The following GRID2 variants were observed in gnomAD, a reference collection of about 807,000 sequenced individuals.
GRID2 encodes glutamate ionotropic receptor delta type subunit 2.
GRID2 carries 33 observed loss-of-function variants against 114.8 expected under a neutral mutation model. The ratio of observed to expected loss-of-function variants is 0.29; its 90% CI spans 0.22 to 0.38. The LOEUF is 0.38. Among genes scored for constraint, GRID2 ranks in the 10% least tolerant of loss-of-function variants. GRID2 has a pLI of 1.00. For missense variants in GRID2, 1,184 were observed against 1,257.7 expected (o/e 0.94, Z 0.89); for synonymous variants, 505 against 449.9 (o/e 1.12, Z -1.55).
intron 2 of GRID2, among the ~76,000 whole-genome samples, chr4:92,910,059 G>A (rs572462219): frequency 4.3e-4 from 65 of 152,144 alleles, no homozygotes; most frequent in Non-Finnish European, 6.8e-4. Flanking sequence ...AGGCTTGGTG[G>A]TATGAAAATG....
intron 1 of GRID2, among the ~76,000 whole-genome samples, chr4:92,316,386 TGTG>T (rs1401105396): frequency 6.6e-6 from 1 of 152,186 alleles, no homozygotes; most frequent in African/African-American, 2.4e-5. Context: ...TCTGTTCTCT[TGTG>T]GTGTAGTCAT....
chr4:93,402,389 T>C (rs1001188833), intron 9 of GRID2, among the ~76,000 whole-genome samples: 1 of 152,158 alleles, frequency 6.6e-6, no homozygotes, highest in Non-Finnish European at 1.5e-5. Context: ...TGGATGAAAC[T>C]ATGTGAAAGC....
chr4:92,401,517 A>G (rs1457769275), intron 1 of GRID2, among the ~76,000 whole-genome samples: 1 of 152,182 alleles, frequency 6.6e-6, no homozygotes, highest in Non-Finnish European at 1.5e-5. Flanking sequence ...AGCAAATATC[A>G]AAAAAGCAAA....
At chr4:92,876,506 G>A (rs958754274) in intron 2 of GRID2, among the ~76,000 whole-genome samples, 9 of 151,942 alleles carry the variant, frequency 5.9e-5, no homozygotes, top group South Asian at 2.1e-4. Flanking sequence ...GGGTTTCACC[G>A]TGTTAACCAG....
intron 2 of GRID2, among the ~76,000 whole-genome samples, chr4:92,595,026 T>C (rs1212436363): frequency 6.6e-6 from 1 of 151,934 alleles, no homozygotes; most frequent in African/African-American, 2.4e-5. Context: ...TTACATGTAT[T>C]TGATGTATTA....
intron 9 of GRID2, among the ~76,000 whole-genome samples, chr4:93,412,239 CCA>C (rs1767259851): frequency 1.3e-5 from 2 of 149,002 alleles, no homozygotes; most frequent in Admixed American, 6.7e-5. Flanking sequence ...TCCCCCCCCC[CCA>C]AAAAAAAATA....
At chr4:93,470,429 C>T (rs1443700391) in intron 11 of GRID2, among the ~76,000 whole-genome samples, 7 of 152,030 alleles carry the variant, frequency 4.6e-5, no homozygotes. Flanking sequence ...TGTTTCACTC[C>T]AAGACTTGAC....
chr4:93,181,042 A>G (rs1392536391), intron 4 of GRID2, among the ~76,000 whole-genome samples: 1 of 152,196 alleles, frequency 6.6e-6, no homozygotes, highest in East Asian at 1.9e-4. Context: ...TACTCTGCCC[A>G]AATATATCAG....
At chr4:92,481,291 A>G (rs1042897174) in intron 1 of GRID2, among the ~76,000 whole-genome samples, 5 of 152,150 alleles carry the variant, frequency 3.3e-5, no homozygotes, top group African/African-American at 1.2e-4. Context: ...GTAGAGAAGT[A>G]TTACTCTTCT....
intron 1 of GRID2, among the ~76,000 whole-genome samples, chr4:92,530,524 A>AAAAAG (rs1553946211): frequency 6.7e-6 from 1 of 150,300 alleles, no homozygotes; most frequent in African/African-American, 2.5e-5. Context: ...AAAAAAAAAA[A>AAAAAG]AGAGAGACTT....
chr4:92,879,841 G>T (rs539074271), intron 2 of GRID2, among the ~76,000 whole-genome samples: 1 of 152,122 alleles, frequency 6.6e-6, no homozygotes. Flanking sequence ...TCCTCATTAC[G>T]GAAAGTCAAG....
At chr4:93,597,339 T>C (rs577383859) in intron 13 of GRID2, among the ~76,000 whole-genome samples, 1 of 152,332 alleles carries the variant, frequency 6.6e-6, no homozygotes, top group African/African-American at 2.4e-5. Flanking sequence ...ACTTGTAGTT[T>C]TTATGTGTTT....
intron 2 of GRID2, among the ~76,000 whole-genome samples, chr4:92,599,047 T>C (rs1304523771): frequency 1.3e-5 from 2 of 149,548 alleles, no homozygotes; most frequent in Non-Finnish European, 3.0e-5. Flanking sequence ...TTTTTTTTTT[T>C]TTCCTGTCTC....
At chr4:92,577,502 G>A (rs1303712407) in intron 1 of GRID2, among the ~76,000 whole-genome samples, 1 of 152,192 alleles carries the variant, frequency 6.6e-6, no homozygotes, top group African/African-American at 2.4e-5. Flanking sequence ...AAGTGACAGT[G>A]ATGAGAAGGA....
intron 2 of GRID2, among the ~76,000 whole-genome samples, chr4:93,043,002 A>G (rs1156673509): frequency 6.6e-6 from 1 of 152,052 alleles, no homozygotes; most frequent in Non-Finnish European, 1.5e-5. Context: ...GGAGTGAAAA[A>G]AGAAACAATA....
intron 12 of GRID2, among the ~76,000 whole-genome samples, chr4:93,494,300 C>A (rs1005217322): frequency 6.6e-6 from 1 of 151,724 alleles, no homozygotes; most frequent in Non-Finnish European, 1.5e-5. Flanking sequence ...AGCTTCATTT[C>A]CAAAATTCAG....
At chr4:92,526,758 G>A (rs948269342) in intron 1 of GRID2, among the ~76,000 whole-genome samples, 7 of 151,346 alleles carry the variant, frequency 4.6e-5, no homozygotes, top group African/African-American at 7.3e-5. Flanking sequence ...ACAAACACAC[G>A]CACAGTCTTC....
At chr4:92,658,882 ATATT>A (rs1357948088) in intron 2 of GRID2, among the ~76,000 whole-genome samples, 1 of 148,150 alleles carries the variant, frequency 6.7e-6, no homozygotes, top group African/African-American at 2.5e-5. Flanking sequence ...GTGTATATAT[ATATT>A]TATGTACACA....
At chr4:93,033,204 C>G (rs1724598143) in intron 2 of GRID2, among the ~76,000 whole-genome samples, 1 of 152,132 alleles carries the variant, frequency 6.6e-6, no homozygotes, top group Admixed American at 6.6e-5. Context: ...ACTTCTGACA[C>G]CAACTACAAA....
Sources: gnomAD v4.1 joint callset for allele counts (sites outside exome capture counted in the v4.1 genomes callset) on GRCh38, gnomAD v4.1.1 for gene constraint, MANE v1.5 for transcripts, NCBI Gene and HGNC (gene_info 2026-07-23, HGNC 2026-07-21) for gene names.